TRIM67: variants seen among roughly 807,000 people sequenced by gnomAD.
TRIM67 encodes the protein tripartite motif-containing protein 67.
In TRIM67, 39 loss-of-function variants were observed where a neutral mutation model predicts 71.0. That is an observed-to-expected ratio of 0.55 (90% CI 0.43 to 0.72). TRIM67 has a LOEUF of 0.72. TRIM67 is among the 30% of genes least tolerant of loss of function. The pLI is 0.00. For missense variants in TRIM67, 973 were observed against 1,079.2 expected (o/e 0.90, Z 1.38); for synonymous variants, 481 against 473.9 (o/e 1.01, Z -0.19).
chr1:231,171,652 T>C (rs1041926537), intron 1 of TRIM67, among the ~76,000 whole-genome samples: 2 of 152,200 alleles, frequency 1.3e-5, no homozygotes, highest in Non-Finnish European at 1.5e-5. Flanking sequence ...AAGTTCTTGA[T>C]GTGAAACTGA....
chr1:231,219,793 C>T lies in TRIM67; in HGVS notation c.*4353C>T. 8.0e-7 allele frequency: 1 copy of T among 1,250,104 alleles called. No homozygotes were observed. Among genetic ancestry groups the T allele is most frequent in the East Asian group, 5.8e-5 (1 of 17,360 alleles). 77.4% of individuals were successfully genotyped at this position (1,250,104 alleles called of 1,614,324 possible). On this transcript the variant is annotated 3_prime_UTR_variant, in exon 10 of 10. Transcript: ENST00000366653. ...TTTTCTTTTGCAAGTGAGCCGGTAG[C>T]TGTGTTTGTTGACCACATTCTTTGG... is the stretch of plus-strand genomic sequence containing the variant.
chr1:231,185,202 T>C (rs1683035079), intron 1 of TRIM67: 9 of 1,532,836 alleles, frequency 5.9e-6, no homozygotes, highest in Non-Finnish European at 7.8e-6. Flanking sequence ...CTTCCACCCT[T>C]CTCAGGATTC....
rs776288408 is a variant in TRIM67, at chr1:231,209,995, A to C, written c.2123+745A>C. 4.6e-5 allele frequency among the ~76,000 whole-genome samples: 7 copies of C among 152,094 alleles called. No homozygotes were observed. Among genetic ancestry groups the C allele is most frequent in the Non-Finnish European group, 8.8e-5 (6 of 67,996 alleles). On this transcript the variant is annotated intron_variant, in intron 8 of 9. Coordinates refer to ENST00000366653, the MANE Select transcript of TRIM67 (RefSeq NM_001004342.5). The surrounding 1 kb of genome is among the most constrained non-coding windows in gnomAD (Gnocchi z 4.1). Reference sequence around the variant, plus strand: ...CTCTCTCCTCAGACACAAAGAAGGCAGTGCCCCCCCAACACCCCTGCACCA... The same window carrying C: ...CTCTCTCCTCAGACACAAAGAAGGCCGTGCCCCCCCAACACCCCTGCACCA...
At chr1:231,207,109 T>C (rs1571900805) in intron 7 of TRIM67, among the ~76,000 whole-genome samples, 1 of 152,256 alleles carries the variant, frequency 6.6e-6, no homozygotes, top group East Asian at 1.9e-4. Flanking sequence ...CACACACAGC[T>C]CTTTGCTGCA....
intron 8 of TRIM67, among the ~76,000 whole-genome samples, chr1:231,210,336 G>A (rs564166428): frequency 3.3e-5 from 5 of 152,166 alleles, no homozygotes; most frequent in East Asian, 2.0e-4. Context: ...GCACCTTCCC[G>A]CAGAGGAAGG....
intron 1 of TRIM67, chr1:231,187,702 G>A: frequency 1.2e-6 from 1 of 823,200 alleles, no homozygotes; most frequent in South Asian, 1.9e-5. Flanking sequence ...GGAGAGGCGG[G>A]GTGGGAAAGG....
chr1:231,203,369 GT>G (rs1399567632), intron 5 of TRIM67, among the ~76,000 whole-genome samples: 1 of 152,212 alleles, frequency 6.6e-6, no homozygotes, highest in African/African-American at 2.4e-5. Flanking sequence ...CCAGCCAAAG[GT>G]TTAAAGGCAT....
intron 5 of TRIM67, among the ~76,000 whole-genome samples, chr1:231,202,293 T>A (rs1683575827): frequency 1.4e-4 from 2 of 14,382 alleles, no homozygotes; most frequent in African/African-American, 4.7e-4. Flanking sequence ...GTGGAGGCAG[T>A]AGTGGTGGTG....
At chr1:231,190,598 GTAGCCAATGCTGAGC>G (rs113881298) in intron 1 of TRIM67, among the ~76,000 whole-genome samples, 8,649 of 152,170 alleles carry the variant, frequency 0.057, 438 homozygotes, top group East Asian at 0.24. Flanking sequence ...TGCTCCCTTC[GTAGCCAATGCTGAGC>G]TGGCTCCTCC....
At chr1:231,196,419 G>A (rs1277947768) in intron 1 of TRIM67, among the ~76,000 whole-genome samples, 1 of 152,010 alleles carries the variant, frequency 6.6e-6, no homozygotes, top group African/African-American at 2.4e-5. Flanking sequence ...ATCAGCCTGA[G>A]CAACACAGCC....
At chr1:231,197,927 G>A (rs1683411782) in intron 2 of TRIM67, among the ~76,000 whole-genome samples, 2 of 152,194 alleles carry the variant, frequency 1.3e-5, no homozygotes, top group South Asian at 4.1e-4. Context: ...CTCAGTGATG[G>A]ACATTAGAAG....
chr1:231,219,590 CT>C lies in TRIM67; in HGVS notation c.*4151del. On this transcript the variant is annotated 3_prime_UTR_variant, in exon 10 of 10. Coordinates refer to ENST00000366653, the MANE Select transcript of TRIM67 (RefSeq NM_001004342.5). ...AATTTTCACTCACTGAAGATGCCCC[CT>C]GCCCGCTCCCCACTTCCTAGAAAGC... 1 of 1,129,236 alleles carries C rather than the reference CT, an allele frequency of 8.9e-7. No homozygotes were observed. Among genetic ancestry groups the C allele is most frequent in the South Asian group, 2.0e-5 (1 of 49,576 alleles). 70.0% of individuals were successfully genotyped at this position (1,129,236 alleles called of 1,614,324 possible).
chr1:231,192,011 A>T (rs534635239), intron 1 of TRIM67, among the ~76,000 whole-genome samples: 3 of 152,168 alleles, frequency 2.0e-5, no homozygotes, highest in Admixed American at 6.5e-5. Context: ...TGGGCCACCC[A>T]TCTTTAGAGA....
intron 1 of TRIM67, chr1:231,185,361 C>G: frequency 2.4e-6 from 2 of 849,808 alleles, no homozygotes; most frequent in Non-Finnish European, 3.5e-6. Context: ...TTTTCCTCAT[C>G]TGAAGTGGGG....
intron 1 of TRIM67, among the ~76,000 whole-genome samples, chr1:231,192,143 C>T (rs932442312): frequency 6.6e-6 from 1 of 152,096 alleles, no homozygotes; most frequent in African/African-American, 2.4e-5. Flanking sequence ...CACTGCACTC[C>T]AGCCTGAGTG....
chr1:231,201,991 G>A (rs138188447), intron 5 of TRIM67, among the ~76,000 whole-genome samples: 61 of 5,376 alleles, frequency 0.011, no homozygotes, highest in Admixed American at 0.029. Context: ...ATGCCATGCG[G>A]TGAGATTTGA....
Position 231,203,853 on chromosome 1 carries a change from TGTCCCCCTCGCAGTGCCACCC to T in TRIM67, c.1535-5_1550del. The T allele has an allele frequency of 6.2e-7, 1 of 1,610,956 alleles. No individual in the cohort carries two copies. Among genetic ancestry groups the T allele is most frequent in the Non-Finnish European group, 8.5e-7 (1 of 1,178,824 alleles). Reference sequence around the variant, plus strand: ...AGGGCTTCCTGCGCTAACTCATGTGTGTCCCCCTCGCAGTGCCACCCGTCCCCCTACTGCAGCTGGAGAAAT... The same window carrying T: ...AGGGCTTCCTGCGCTAACTCATGTGTGTCCCCCTACTGCAGCTGGAGAAAT... On this transcript the variant is annotated splice_acceptor_variant and splice_polypyrimidine_tract_variant and coding_sequence_variant and intron_variant, in exon 6 of 10. Coordinates refer to ENST00000366653, the MANE Select transcript of TRIM67 (RefSeq NM_001004342.5). LOFTEE classifies it high-confidence loss of function.
At chr1:231,169,657 G>T (rs1269324494) in intron 1 of TRIM67, among the ~76,000 whole-genome samples, 1 of 152,042 alleles carries the variant, frequency 6.6e-6, no homozygotes, top group South Asian at 2.1e-4. Flanking sequence ...GGGATTACAG[G>T]CATGTGACAC....
chr1:231,217,574 G>A lies in TRIM67; in HGVS notation c.*2134G>A. On this transcript the variant is annotated 3_prime_UTR_variant, in exon 10 of 10. Transcript: ENST00000366653. ...AAGGAAGCCATCAGCTTTGGGAAGTGTCTAGCTCTCTTCTGAAAAAAAAAC... is the reference window on the plus strand; with the variant it reads ...AAGGAAGCCATCAGCTTTGGGAAGTATCTAGCTCTCTTCTGAAAAAAAAAC... 9.4e-7 allele frequency: 1 copy of A among 1,059,608 alleles called. No individual in the cohort carries two copies. Among genetic ancestry groups the A allele is most frequent in the South Asian group, 3.0e-5 (1 of 33,376 alleles). 65.6% of individuals were successfully genotyped at this position (1,059,608 alleles called of 1,614,324 possible). A position where few individuals can be genotyped will look rare whatever the true frequency, so the allele number is the denominator to read the frequency against.
Sources: gnomAD v4.1 joint callset for allele counts (sites outside exome capture counted in the v4.1 genomes callset) on GRCh38, gnomAD v4.1.1 for gene constraint, Gnocchi (gnomAD v3.1) non-coding constraint, MANE v1.5 for transcripts, NCBI Gene and HGNC (gene_info 2026-07-23, HGNC 2026-07-21) for gene names.